CDH22: variants seen among roughly 807,000 people sequenced by gnomAD.
The protein encoded by CDH22 is cadherin 22.
Under a neutral mutation model 58.4 loss-of-function variants are expected in CDH22, and 30 were observed. That is an observed-to-expected ratio of 0.51 (90% CI 0.38 to 0.70). The LOEUF (loss-of-function observed/expected upper bound fraction) is 0.70. Ranked by LOEUF, CDH22 falls within the 30% of genes least tolerant of loss-of-function variation. CDH22 has a pLI of 0.00. For synonymous variants in CDH22, 513 were observed against 558.2 expected (o/e 0.92, Z 1.14); for missense variants, 1,014 against 1,233.9 (o/e 0.82, Z 2.67).
In CDH22 at chr20:46,174,527, G is replaced by A; in HGVS notation, c.2466C>T (p.Asp822=). The change falls in exon 12 of 12, where the codon GAC becomes GAT. Residue 822 remains aspartate, a synonymous_variant. Coordinates refer to ENST00000537909, the MANE Select transcript of CDH22 (RefSeq NM_021248.3). The surrounding 1 kb of genome is among the most constrained non-coding windows in gnomAD (Gnocchi z 4.4). ...GGGGCTAGGAGGCCTGGGCCTCGTCGTCCCCGCGGTGGCCGGCGTAGAGCG... is the reference window on the plus strand; with the variant it reads ...GGGGCTAGGAGGCCTGGGCCTCGTCATCCCCGCGGTGGCCGGCGTAGAGCG... ...LAALYAGHRG[D]DEAQAS 1.3e-6 allele frequency: 2 copies of A among 1,515,076 alleles called. No homozygotes were observed. The highest frequency in any genetic ancestry group is 1.4e-5 in the African/African-American group (1 of 70,218). 93.9% of individuals were successfully genotyped at this position (1,515,076 alleles called of 1,614,324 possible). A position where few individuals can be genotyped will look rare whatever the true frequency, so the allele number is the denominator to read the frequency against.
At chr20:46,264,836 GCA>G (rs1475899025) in intron 1 of CDH22, among the ~76,000 whole-genome samples, 1 of 147,472 alleles carries the variant, frequency 6.8e-6, no homozygotes, top group African/African-American at 2.4e-5. Flanking sequence ...CACACACCAT[GCA>G]CACACACACA....
chr20:46,237,201 C>T (rs1378195034), intron 3 of CDH22, among the ~76,000 whole-genome samples: 2 of 152,156 alleles, frequency 1.3e-5, no homozygotes, highest in Non-Finnish European at 2.9e-5. Flanking sequence ...GGCAGGAAGT[C>T]GACCAAGGTC....
chr20:46,193,778 A>C (rs1051820140), intron 8 of CDH22, among the ~76,000 whole-genome samples: 5 of 152,012 alleles, frequency 3.3e-5, no homozygotes, highest in African/African-American at 1.2e-4. Context: ...TGCTGGGAAC[A>C]CCTGAATCCC....
intron 1 of CDH22, among the ~76,000 whole-genome samples, chr20:46,265,967 C>T (rs2086457633): frequency 6.6e-6 from 1 of 151,996 alleles, no homozygotes; most frequent in Non-Finnish European, 1.5e-5. Context: ...CACACACACA[C>T]ACACATTGAT....
At chr20:46,304,869 G>T (rs2086667359) in intron 1 of CDH22, among the ~76,000 whole-genome samples, 1 of 152,242 alleles carries the variant, frequency 6.6e-6, no homozygotes, top group African/African-American at 2.4e-5. Flanking sequence ...CCCATGGCTG[G>T]TAAGTATATG....
chr20:46,297,987 C>T (rs971319997), intron 1 of CDH22, among the ~76,000 whole-genome samples: 21 of 152,060 alleles, frequency 1.4e-4, no homozygotes, highest in Non-Finnish European at 2.1e-4. Context: ...AAGATCCCGA[C>T]GCCCCCTCTA....
intron 2 of CDH22, among the ~76,000 whole-genome samples, chr20:46,248,514 T>C (rs542819382): frequency 6.6e-6 from 1 of 152,248 alleles, no homozygotes; most frequent in Admixed American, 6.5e-5. Context: ...CTTTCTCTTT[T>C]GGGGGCTTAA....
intron 7 of CDH22, among the ~76,000 whole-genome samples, chr20:46,207,985 T>G (rs1016704483): frequency 9.2e-5 from 14 of 152,218 alleles, no homozygotes; most frequent in Admixed American, 9.2e-4. Context: ...CACTGCACAA[T>G]CCTGATAGAG....
intron 6 of CDH22, among the ~76,000 whole-genome samples, chr20:46,211,087 C>T (rs368767247): frequency 2.0e-5 from 3 of 152,164 alleles, no homozygotes; most frequent in Non-Finnish European, 2.9e-5. Context: ...GAGTTGAGCC[C>T]GATAAGCCGG....
intron 3 of CDH22, among the ~76,000 whole-genome samples, chr20:46,239,394 A>G (rs1309935424): frequency 6.6e-6 from 1 of 152,156 alleles, no homozygotes; most frequent in African/African-American, 2.4e-5. Flanking sequence ...CTGTGTGTGT[A>G]CACCAGTCTG....
chr20:46,227,398 C>CA, intron 4 of CDH22, 110 bp downstream of exon 4: 1 of 1,112,872 alleles, frequency 9.0e-7, no homozygotes, highest in Non-Finnish European at 1.3e-6. Flanking sequence ...GTGCTGTCCT[C>CA]AGAGCTTCTG....
intron 1 of CDH22, among the ~76,000 whole-genome samples, chr20:46,296,381 G>T (rs1772705085): frequency 6.6e-6 from 1 of 152,218 alleles, no homozygotes; most frequent in African/African-American, 2.4e-5. Context: ...CAGAGGCTCA[G>T]AAAGTCAAAC....
intron 1 of CDH22, among the ~76,000 whole-genome samples, chr20:46,292,072 A>G (rs980817503): frequency 3.9e-5 from 6 of 152,220 alleles, no homozygotes; most frequent in Admixed American, 3.3e-4. Context: ...GGATCCTCCT[A>G]TGACATAGTG....
intron 1 of CDH22, among the ~76,000 whole-genome samples, chr20:46,269,812 C>A (rs931972793): frequency 1.3e-5 from 2 of 152,176 alleles, no homozygotes; most frequent in Admixed American, 1.3e-4. Flanking sequence ...AAGCCTACCC[C>A]CTGCGGATTT....
At chr20:46,288,222 GCTCCAATATCCC>G (rs1425828720) in intron 1 of CDH22, among the ~76,000 whole-genome samples, 1 of 152,060 alleles carries the variant, frequency 6.6e-6, no homozygotes, top group Non-Finnish European at 1.5e-5. Context: ...TCAAAGCCAG[GCTCCAATATCCC>G]CTCCAATATA....
At chr20:46,191,298 C>T (rs6104497) in intron 8 of CDH22, among the ~76,000 whole-genome samples, 12 of 152,006 alleles carry the variant, frequency 7.9e-5, no homozygotes, top group Non-Finnish European at 1.6e-4. Flanking sequence ...GGGATCAGCA[C>T]GTGCAAAGGC....
chr20:46,205,034 G>A (rs1471296483), intron 7 of CDH22, among the ~76,000 whole-genome samples: 1 of 151,736 alleles, frequency 6.6e-6, no homozygotes, highest in East Asian at 1.9e-4. Flanking sequence ...GTGTAGTTCG[G>A]GAGCCTCTTC....
chr20:46,212,701 G>T (rs1057342434), intron 6 of CDH22, among the ~76,000 whole-genome samples: 4 of 152,202 alleles, frequency 2.6e-5, no homozygotes, highest in Admixed American at 6.5e-5. Flanking sequence ...GTGTGAAGAG[G>T]CTGGCAAGGA....
At chr20:46,181,688 CTTTCT>C (rs199578035) in intron 10 of CDH22, among the ~76,000 whole-genome samples, 95 of 138,474 alleles carry the variant, frequency 6.9e-4, no homozygotes, top group Admixed American at 1.0e-3. Context: ...TCCTTTCCCT[CTTTCT>C]TTTCTTTTCT....
Sources: allele counts gnomAD v4.1 joint callset (sites outside exome capture counted in the v4.1 genomes callset), GRCh38; gene constraint gnomAD v4.1.1; non-coding constraint Gnocchi (gnomAD v3.1); transcripts MANE v1.5; gene names NCBI Gene and HGNC (gene_info 2026-07-23, HGNC 2026-07-21).